The following HDAC9 variants were observed in gnomAD, a reference collection of about 807,000 sequenced individuals.
HDAC9 encodes the protein histone deacetylase 9, also known as MEF-2 interacting transcription repressor (MITR) protein.
A neutral mutation model predicts 139.4 loss-of-function variants in HDAC9; 41 were observed. The observed-to-expected ratio is 0.29, with a 90% CI of 0.23 to 0.38. The LOEUF (loss-of-function observed/expected upper bound fraction) is 0.38, where lower values mean the gene tolerates loss of function less well. HDAC9 is among the 10% of genes least tolerant of loss of function. The probability of loss-of-function intolerance (pLI) is 1.00; values close to 1 mark genes in which losing one functional copy is unlikely to be tolerated. For missense variants in HDAC9, 1,147 were observed against 1,297.0 expected, an observed-to-expected ratio of 0.88 and a Z score of 1.78; for synonymous variants, 517 against 476.2, an observed-to-expected ratio of 1.09 and a Z score of -1.12.
intron 2 of HDAC9, among the ~76,000 whole-genome samples, chr7:18,572,413 A>G (rs904044971): frequency 1.3e-5 from 2 of 150,766 alleles, no homozygotes; most frequent in East Asian, 3.9e-4. Flanking sequence ...ATGAAACCCT[A>G]TATTTGAGGC....
chr7:18,351,500 T>C (rs1044093373), intron 1 of HDAC9, among the ~76,000 whole-genome samples: 3 of 152,214 alleles, frequency 2.0e-5, no homozygotes, highest in Non-Finnish European at 4.4e-5. Context: ...AACTTTATTT[T>C]AAATCTTATT....
chr7:18,797,838 A>AG (rs1792939688), intron 17 of HDAC9, among the ~76,000 whole-genome samples: 1 of 152,096 alleles, frequency 6.6e-6, no homozygotes, highest in Admixed American at 6.6e-5. Flanking sequence ...CAGAAAAAAA[A>AG]AAAAATTCCT....
At chr7:18,262,669 T>C (rs1350521570) in intron 2 of HDAC9, among the ~76,000 whole-genome samples, 2 of 152,182 alleles carry the variant, frequency 1.3e-5, no homozygotes, top group African/African-American at 4.8e-5. Flanking sequence ...ACGATAAAAC[T>C]ATGTGTTTGG....
intron 2 of HDAC9, among the ~76,000 whole-genome samples, chr7:18,578,373 G>A (rs1826703556): frequency 1.3e-5 from 2 of 152,310 alleles, no homozygotes; most frequent in South Asian, 4.1e-4. Context: ...TCCCCAGGTG[G>A]ATTTTGGGCC....
intron 1 of HDAC9, among the ~76,000 whole-genome samples, chr7:18,449,658 C>G (rs927516272): frequency 6.6e-6 from 1 of 152,132 alleles, no homozygotes; most frequent in South Asian, 2.1e-4. Flanking sequence ...CCCACCATGG[C>G]TCTTCCACCC....
intron 1 of HDAC9, among the ~76,000 whole-genome samples, chr7:18,364,896 A>T (rs991349813): frequency 1.3e-5 from 2 of 152,120 alleles, no homozygotes; most frequent in African/African-American, 4.8e-5. Context: ...AATACCTTTA[A>T]AATGTAGCAG....
At chr7:18,107,505 T>TGC (rs1783306891) in intron 1 of HDAC9, among the ~76,000 whole-genome samples, 1 of 150,962 alleles carries the variant, frequency 6.6e-6, no homozygotes, top group African/African-American at 2.4e-5. Context: ...ATCTCTTTCT[T>TGC]GCTCTCTCTC....
At chr7:18,095,197 A>T (rs988035319) in intron 1 of HDAC9, among the ~76,000 whole-genome samples, 10 of 151,772 alleles carry the variant, frequency 6.6e-5, no homozygotes, top group Non-Finnish European at 1.0e-4. Flanking sequence ...TGTATGTCCC[A>T]CCTCTTCTGT....
chr7:18,465,897 T>A (rs1374124666), intron 1 of HDAC9, among the ~76,000 whole-genome samples: 1 of 152,228 alleles, frequency 6.6e-6, no homozygotes, highest in Non-Finnish European at 1.5e-5. Context: ...TAATTTTCTG[T>A]TGCTGCCATC....
intron 2 of HDAC9, among the ~76,000 whole-genome samples, chr7:18,267,933 A>C (rs1407931625): frequency 2.0e-5 from 3 of 152,096 alleles, no homozygotes; most frequent in African/African-American, 7.2e-5. Flanking sequence ...AAATACCAAC[A>C]AAAAAACCTG....
rs935354613 is a variant in HDAC9, at chr7:19,001,632, A to G, written c.*5570A>G. 1 of 151,840 alleles carries G rather than the reference A, an allele frequency of 6.6e-6. No individual in the cohort carries two copies. Among genetic ancestry groups the G allele is most frequent in the East Asian group, 1.9e-4 (1 of 5,186 alleles). The allele number at this position is 151,840 out of a possible 1,614,324, so 9.4% of individuals were successfully genotyped here. On this transcript the variant is annotated 3_prime_UTR_variant, in exon 26 of 26. Transcript: ENST00000686413. ...TTGGGTATGTAAGGGTTGTTTTTAGATAAAACTCCCGATTTGTTCTTCCTA... is the reference window on the plus strand; with the variant it reads ...TTGGGTATGTAAGGGTTGTTTTTAGGTAAAACTCCCGATTTGTTCTTCCTA...
chr7:18,919,911 A>G (rs1209840584), intron 22 of HDAC9, among the ~76,000 whole-genome samples: 1 of 152,048 alleles, frequency 6.6e-6, no homozygotes, highest in Non-Finnish European at 1.5e-5. Context: ...CTTGTAGTAT[A>G]GTTTGAAGTC....
intron 14 of HDAC9, among the ~76,000 whole-genome samples, chr7:18,758,051 G>A (rs1789037370): frequency 6.6e-6 from 1 of 152,084 alleles, no homozygotes; most frequent in Non-Finnish European, 1.5e-5. Context: ...AAGAAACTAA[G>A]TGCACGTCAC....
chr7:18,687,422 A>G (rs1229573999), intron 12 of HDAC9, among the ~76,000 whole-genome samples: 1 of 151,876 alleles, frequency 6.6e-6, no homozygotes, highest in Non-Finnish European at 1.5e-5. Flanking sequence ...ATTTACAACA[A>G]TATTTTTATG....
chr7:18,451,744 G>C (rs1048954870), intron 1 of HDAC9, among the ~76,000 whole-genome samples: 11 of 151,946 alleles, frequency 7.2e-5, no homozygotes, highest in African/African-American at 2.7e-4. Flanking sequence ...AGCCCTATCG[G>C]CATATTTGGT....
At chr7:18,908,131 T>C (rs941482837) in intron 22 of HDAC9, among the ~76,000 whole-genome samples, 1 of 152,086 alleles carries the variant, frequency 6.6e-6, no homozygotes, top group Non-Finnish European at 1.5e-5. Context: ...GCATATTCTT[T>C]AAAAACATTA....
intron 2 of HDAC9, among the ~76,000 whole-genome samples, chr7:18,229,506 A>C (rs530190037): frequency 1.3e-5 from 2 of 152,198 alleles, no homozygotes; most frequent in Non-Finnish European, 2.9e-5. Flanking sequence ...CTCTAGTGCT[A>C]TTACAATGCA....
chr7:18,647,661 C>T (rs1227552181), intron 9 of HDAC9, 124 bp from the exon 10 acceptor site: 2 of 717,486 alleles, frequency 2.8e-6, no homozygotes, highest in Admixed American at 3.0e-5. Context: ...CCTGCTCAGC[C>T]ATTGGGTAAG....
intron 2 of HDAC9, among the ~76,000 whole-genome samples, chr7:18,180,257 A>ACCCC (rs1789302104): frequency 6.6e-6 from 1 of 150,836 alleles, no homozygotes; most frequent in Non-Finnish European, 1.5e-5. Flanking sequence ...ACACACACAC[A>ACCCC]CACACACACA....
Sources: allele counts gnomAD v4.1 joint callset (sites outside exome capture counted in the v4.1 genomes callset), GRCh38; gene constraint gnomAD v4.1.1; transcripts MANE v1.5; gene names NCBI Gene and HGNC (gene_info 2026-07-23, HGNC 2026-07-21).